The following ASTN2 variants were observed in gnomAD, a reference collection of about 807,000 sequenced individuals.
ASTN2 encodes the protein astrotactin-2.
In ASTN2, 54 loss-of-function variants were observed where a neutral mutation model predicts 139.8. The observed-to-expected ratio is 0.39, with a 90% CI of 0.31 to 0.48. The LOEUF is 0.48. Ranked by LOEUF, ASTN2 falls within the 20% of genes least tolerant of loss-of-function variation. The pLI is 0.95. For synonymous variants in ASTN2, 756 were observed against 719.5 expected (o/e 1.05, Z -0.81); for missense variants, 1,565 against 1,725.1 (o/e 0.91, Z 1.64).
chr9:117,196,661 C>T (rs1831513522), intron 3 of ASTN2, among the ~76,000 whole-genome samples: 1 of 152,186 alleles, frequency 6.6e-6, no homozygotes, highest in Admixed American at 6.5e-5. Flanking sequence ...GAAAAGCTTG[C>T]ATACTGCACA....
intron 16 of ASTN2, among the ~76,000 whole-genome samples, chr9:116,685,689 AAG>A (rs1860159409): frequency 6.6e-6 from 1 of 152,204 alleles, no homozygotes; most frequent in Non-Finnish European, 1.5e-5. Context: ...ATTCTACTCT[AAG>A]ATTTTGTGAG....
At chr9:117,073,783 C>A (rs903972853) in intron 5 of ASTN2, among the ~76,000 whole-genome samples, 2 of 152,150 alleles carry the variant, frequency 1.3e-5, no homozygotes, top group African/African-American at 4.8e-5. Context: ...TTCTCTGTTA[C>A]AAACACCTCA....
intron 2 of ASTN2, among the ~76,000 whole-genome samples, chr9:117,262,106 G>C (rs961693975): frequency 1.3e-5 from 2 of 152,142 alleles, no homozygotes; most frequent in South Asian, 2.1e-4. Context: ...TCTGAGCCTA[G>C]TAATTTCCAG....
intron 3 of ASTN2, among the ~76,000 whole-genome samples, chr9:117,192,391 G>GAA (rs56332042): frequency 6.7e-6 from 1 of 149,532 alleles, no homozygotes; most frequent in African/African-American, 2.5e-5. Context: ...CAGTGGCAAA[G>GAA]AAAAAAAAGA....
Position 117,414,884 on chromosome 9 carries a change from G to A in ASTN2, c.55C>T (p.Arg19Trp), listed in dbSNP as rs1189261560. 10 of 844,998 alleles carry A rather than the reference G, an allele frequency of 1.2e-5. No individual in the cohort carries two copies. The highest frequency in any genetic ancestry group is 5.3e-5 in the East Asian group (1 of 18,880). The allele number at this position is 844,998 out of a possible 1,614,324, so 52.3% of individuals were successfully genotyped here. ...SPGPGSGLRG[R>W]PRLCFHPGPP... ...CCCGGGTGGAAGCAGAGCCTCGGCCGCCCCCGGAGCCCCGAGCCGGGGCCG... is the reference window on the plus strand; with the variant it reads ...CCCGGGTGGAAGCAGAGCCTCGGCCACCCCCGGAGCCCCGAGCCGGGGCCG... The change falls in exon 1 of 23, where the codon CGG becomes TGG. Residue 19 changes from arginine (R) to tryptophan (W), a missense_variant. Around this residue, in one of 4 missense-constraint regions of ASTN2, gnomAD observed 596 missense variants for 576.8 expected, o/e 1.03. Coordinates refer to ENST00000313400, the MANE Select transcript of ASTN2 (RefSeq NM_001365068.1). The surrounding 1 kb of genome is among the most constrained non-coding windows in gnomAD (Gnocchi z 4.2).
At chr9:116,733,104 G>A (rs1449605745) in intron 14 of ASTN2, among the ~76,000 whole-genome samples, 4 of 152,196 alleles carry the variant, frequency 2.6e-5, no homozygotes, top group African/African-American at 9.7e-5. Flanking sequence ...AAAGTGTTTT[G>A]AGACTCATTC....
At chr9:116,600,307 G>C (rs1854809260) in intron 19 of ASTN2, among the ~76,000 whole-genome samples, 1 of 120,622 alleles carries the variant, frequency 8.3e-6, no homozygotes, top group Admixed American at 9.8e-5. Context: ...CTGGGCAACA[G>C]AATGAGACCC....
chr9:116,917,225 G>T (rs369635195), intron 10 of ASTN2, among the ~76,000 whole-genome samples: 1 of 151,752 alleles, frequency 6.6e-6, no homozygotes, highest in South Asian at 2.1e-4. Context: ...CCTCTCCATA[G>T]GTCCCTTGAT....
intron 11 of ASTN2, among the ~76,000 whole-genome samples, chr9:116,825,420 C>A (rs979548148): frequency 1.3e-5 from 2 of 152,108 alleles, no homozygotes; most frequent in Non-Finnish European, 2.9e-5. Flanking sequence ...ATAAATTAAC[C>A]AAAACCCCAA....
chr9:117,020,599 G>A (rs10817979), intron 6 of ASTN2, among the ~76,000 whole-genome samples: 1 of 151,860 alleles, frequency 6.6e-6, no homozygotes, highest in African/African-American at 2.4e-5. Context: ...CCTGCTACAC[G>A]CATCTCTTTT....
At chr9:116,593,305 G>A (rs79117213) in intron 19 of ASTN2, among the ~76,000 whole-genome samples, 1,706 of 152,320 alleles carry the variant, frequency 0.011, 18 homozygotes, top group Non-Finnish European at 0.017. Context: ...GTGGGCCGAA[G>A]GCATGATACA....
chr9:117,392,538 G>T (rs1830570284), intron 1 of ASTN2, among the ~76,000 whole-genome samples: 1 of 152,124 alleles, frequency 6.6e-6, no homozygotes, highest in East Asian at 1.9e-4. Flanking sequence ...TATTTTAAGG[G>T]ATTACTAAAC....
intron 3 of ASTN2, among the ~76,000 whole-genome samples, chr9:117,199,421 C>A (rs999466767): frequency 6.6e-6 from 1 of 152,170 alleles, no homozygotes; most frequent in Non-Finnish European, 1.5e-5. Context: ...TGTCAAAGAT[C>A]AGATGGTTGT....
At chr9:117,392,510 C>T (rs1364468792) in intron 1 of ASTN2, among the ~76,000 whole-genome samples, 1 of 152,102 alleles carries the variant, frequency 6.6e-6, no homozygotes, top group Admixed American at 6.6e-5. Context: ...AGTAAGAGCT[C>T]CTCTTAATAC....
chr9:116,903,266 G>A (rs567490454), intron 10 of ASTN2, among the ~76,000 whole-genome samples: 1 of 152,082 alleles, frequency 6.6e-6, no homozygotes, highest in African/African-American at 2.4e-5. Flanking sequence ...CGAATCTACT[G>A]TATAATTTAC....
chr9:117,405,778 C>T (rs1204512640), intron 1 of ASTN2, among the ~76,000 whole-genome samples: 3 of 152,200 alleles, frequency 2.0e-5, no homozygotes, highest in Non-Finnish European at 2.9e-5. Context: ...ATTGTCTCTT[C>T]GTTTGCTACA....
chr9:116,709,704 C>G (rs1045054672), intron 16 of ASTN2, among the ~76,000 whole-genome samples: 1 of 152,158 alleles, frequency 6.6e-6, no homozygotes, highest in Admixed American at 6.5e-5. Flanking sequence ...TTTCTACTCA[C>G]AATAAATCCA....
At chr9:117,055,545 C>T (rs1839034165) in intron 5 of ASTN2, among the ~76,000 whole-genome samples, 1 of 152,172 alleles carries the variant, frequency 6.6e-6, no homozygotes, top group African/African-American at 2.4e-5. Flanking sequence ...ATATCTACCT[C>T]CAGAATGGAG....
chr9:116,983,975 G>A (rs545020456), intron 7 of ASTN2, among the ~76,000 whole-genome samples: 1 of 152,304 alleles, frequency 6.6e-6, no homozygotes, highest in African/African-American at 2.4e-5. Context: ...ACAATAAAAT[G>A]TGATTGATAT....
Sources: allele counts gnomAD v4.1 joint callset (sites outside exome capture counted in the v4.1 genomes callset), GRCh38; gene constraint gnomAD v4.1.1; regional missense constraint gnomAD v4.1.1; non-coding constraint Gnocchi (gnomAD v3.1); transcripts MANE v1.5; gene names NCBI Gene and HGNC (gene_info 2026-07-23, HGNC 2026-07-21).